MDN1: variants seen among roughly 807,000 people sequenced by gnomAD.
MDN1 encodes midasin.
MDN1 carries 266 observed loss-of-function variants against 669.2 expected under a neutral mutation model. The ratio of observed to expected loss-of-function variants is 0.40; its 90% CI spans 0.36 to 0.44. MDN1 has a LOEUF of 0.44. Ranked by LOEUF, MDN1 falls within the 20% of genes least tolerant of loss-of-function variation. The pLI is 1.00. For synonymous variants in MDN1, 2,385 were observed against 2,457.1 expected, an observed-to-expected ratio of 0.97 and a Z score of 0.87; for missense variants, 5,940 against 6,754.0, an observed-to-expected ratio of 0.88 and a Z score of 4.22.
chr6:89,702,693 A>C (rs1813236130), intron 53 of MDN1, among the ~76,000 whole-genome samples: 1 of 152,228 alleles, frequency 6.6e-6, no homozygotes, highest in Non-Finnish European at 1.5e-5. Context: ...TTTTCCCAGT[A>C]TATTCATTCT....
intron 2 of MDN1, among the ~76,000 whole-genome samples, chr6:89,801,432 C>T (rs1273646405): frequency 6.6e-6 from 1 of 152,176 alleles, no homozygotes; most frequent in African/African-American, 2.4e-5. Context: ...GTAGGCAGAT[C>T]ACGAGGTCAG....
At position 89,771,599 on chromosome 6, in the gene MDN1, A is replaced by G. The variant is rs763421125; in HGVS notation, c.2106T>C (p.Asn702=). ...HITGHRLRVV[N]MNQQSDTADL... ...CTGCAGTATCACTTTGTTGATTCAT[A>G]TTGACAACCCTCAAACGGTGGCCTT... The change falls in exon 15 of 102, where the codon AAT becomes AAC. Residue 702 remains asparagine (N), a synonymous_variant. Coordinates refer to ENST00000369393, the MANE Select transcript of MDN1 (RefSeq NM_014611.3). 1 of 1,614,028 alleles carries G rather than the reference A, an allele frequency of 6.2e-7. No individual in the cohort carries two copies. The highest frequency in any genetic ancestry group is 8.5e-7 in the Non-Finnish European group (1 of 1,179,952).
intron 1 of MDN1, among the ~76,000 whole-genome samples, chr6:89,817,148 T>G (rs533866376): frequency 1.3e-5 from 2 of 152,180 alleles, no homozygotes; most frequent in African/African-American, 2.4e-5. Context: ...ACATCTTACA[T>G]GTACTGAGTG....
At chr6:89,753,390 C>A in intron 22 of MDN1, 122 bp downstream of exon 22, 1 of 715,430 alleles carries the variant, frequency 1.4e-6, no homozygotes, top group South Asian at 2.0e-5. Context: ...AATGTTTAAA[C>A]TTTTTGCAAC....
At chr6:89,649,681 C>T (rs958712843) in intron 97 of MDN1, among the ~76,000 whole-genome samples, 1 of 152,000 alleles carries the variant, frequency 6.6e-6, no homozygotes, top group Non-Finnish European at 1.5e-5. Context: ...TACACTGTTG[C>T]ATTTTCTGCA....
rs747635961 is a variant in MDN1, at chr6:89,688,190, T to C, written c.11260-17A>G. ...AACCAGGAGCTGCAGAAATAAAGATTTGGGTATCTCAGTAGGAATACCAGT... is the reference window on the plus strand; with the variant it reads ...AACCAGGAGCTGCAGAAATAAAGATCTGGGTATCTCAGTAGGAATACCAGT... On this transcript the variant is annotated splice_polypyrimidine_tract_variant and intron_variant, in intron 66 of 101. Coordinates refer to ENST00000369393, the MANE Select transcript of MDN1 (RefSeq NM_014611.3). The C allele has an allele frequency of 3.0e-5, 49 of 1,607,514 alleles. No homozygotes were observed. The highest frequency in any genetic ancestry group is 2.4e-5 in the Non-Finnish European group (28 of 1,174,170).
chr6:89,684,027 T>G, intron 71 of MDN1, 123 bp from the exon 72 acceptor site: 2 of 727,652 alleles, frequency 2.7e-6, no homozygotes, highest in Non-Finnish European at 4.7e-6. Flanking sequence ...TGTGTGTCAG[T>G]GAACAAGTAA....
intron 37 of MDN1, among the ~76,000 whole-genome samples, chr6:89,727,259 T>A (rs1480422635): frequency 6.6e-6 from 1 of 152,122 alleles, no homozygotes; most frequent in Non-Finnish European, 1.5e-5. Flanking sequence ...GACACGTACA[T>A]CACTCTAATC....
chr6:89,787,461 C>T (rs1243564095), intron 8 of MDN1, among the ~76,000 whole-genome samples: 1 of 152,156 alleles, frequency 6.6e-6, no homozygotes, highest in African/African-American at 2.4e-5. Context: ...TAGTACAAGT[C>T]ATTTCACTTA....
At chr6:89,730,525 A>C (rs546170202) in intron 35 of MDN1, among the ~76,000 whole-genome samples, 11 of 152,228 alleles carry the variant, frequency 7.2e-5, no homozygotes, top group Admixed American at 7.2e-4. Context: ...TATAGATTGA[A>C]GTCTCTATTT....
intron 59 of MDN1, among the ~76,000 whole-genome samples, chr6:89,697,534 C>T: frequency 6.6e-6 from 1 of 151,606 alleles, no homozygotes; most frequent in South Asian, 2.1e-4. Context: ...GGCTTAATAT[C>T]CATAATACAT....
intron 84 of MDN1, among the ~76,000 whole-genome samples, chr6:89,665,212 G>A (rs1483137281): frequency 6.6e-6 from 1 of 151,944 alleles, no homozygotes; most frequent in Non-Finnish European, 1.5e-5. Flanking sequence ...TTTTTTGCTA[G>A]AGACGTGGCC....
intron 26 of MDN1, among the ~76,000 whole-genome samples, chr6:89,748,568 A>G (rs1174057513): frequency 2.0e-5 from 3 of 152,216 alleles, no homozygotes; most frequent in African/African-American, 7.2e-5. Context: ...AATTATGTCC[A>G]TTCAAGGACT....
chr6:89,800,806 T>G (rs1562233989), intron 2 of MDN1, among the ~76,000 whole-genome samples: 2 of 152,108 alleles, frequency 1.3e-5, no homozygotes, highest in Admixed American at 1.3e-4. Context: ...GAGATACTCT[T>G]GTGGGACTGA....
At chr6:89,787,728 T>A (rs1298267205) in intron 8 of MDN1, 126 bp downstream of exon 8, 1 of 629,904 alleles carries the variant, frequency 1.6e-6, no homozygotes, top group Non-Finnish European at 2.7e-6. Flanking sequence ...GTTAGACCTG[T>A]TATCACTTCC....
At chr6:89,801,659 A>C (rs1163571480) in intron 2 of MDN1, among the ~76,000 whole-genome samples, 1 of 151,742 alleles carries the variant, frequency 6.6e-6, no homozygotes, top group Non-Finnish European at 1.5e-5. Context: ...CAAAAAAAAA[A>C]CAAAACAAAA....
At chr6:89,723,676 G>C in intron 38 of MDN1, 57 bp from the exon 39 acceptor site, 4 of 971,494 alleles carry the variant, frequency 4.1e-6, no homozygotes, top group Non-Finnish European at 6.0e-6. Context: ...CCAAACACTA[G>C]AAATGACTAC....
chr6:89,749,420 T>A, intron 25 of MDN1, 51 bp from the exon 26 acceptor site: 1 of 1,602,612 alleles, frequency 6.2e-7, no homozygotes, highest in East Asian at 2.2e-5. Flanking sequence ...TAATTTCCAA[T>A]ATGGAGGCTC....
At chr6:89,686,784 G>A in intron 69 of MDN1, 118 bp downstream of exon 69, 1 of 1,332,038 alleles carries the variant, frequency 7.5e-7, no homozygotes, top group Admixed American at 2.2e-5. Context: ...TCAAATGGGA[G>A]GCATTCCCAT....
Sources: allele counts gnomAD v4.1 joint callset (sites outside exome capture counted in the v4.1 genomes callset), GRCh38; gene constraint gnomAD v4.1.1; transcripts MANE v1.5; gene names NCBI Gene and HGNC (gene_info 2026-07-23, HGNC 2026-07-21).